The following CDYL2 variants were observed in gnomAD, a reference collection of about 807,000 sequenced individuals.
The protein encoded by CDYL2 is chromodomain Y-like protein 2.
In CDYL2, 23 loss-of-function variants were observed where a neutral mutation model predicts 49.4. The ratio of observed to expected loss-of-function variants is 0.47; its 90% CI spans 0.34 to 0.66. The LOEUF (loss-of-function observed/expected upper bound fraction) is 0.66, where lower values mean the gene tolerates loss of function less well. Ranked by LOEUF, CDYL2 falls within the 30% of genes least tolerant of loss-of-function variation. The pLI, the probability that CDYL2 is intolerant of heterozygous loss-of-function variation, is 0.01. For synonymous variants in CDYL2, 360 were observed against 268.8 expected (o/e 1.34, Z -3.32); for missense variants, 678 against 656.4 (o/e 1.03, Z -0.36).
At chr16:80,804,905 C>T (rs1908054739), upstream of CDYL2, among the ~76,000 whole-genome samples, 1 of 152,042 alleles carries the variant, frequency 6.6e-6, no homozygotes, top group Non-Finnish European at 1.5e-5. Flanking sequence ...CCACCTACCT[C>T]CTCCACCCTC....
chr16:80,615,514 A>T (rs891561360), intron 4 of CDYL2, among the ~76,000 whole-genome samples: 1 of 151,928 alleles, frequency 6.6e-6, no homozygotes, highest in Admixed American at 6.6e-5. Flanking sequence ...GGACGTTTTT[A>T]ATAAAAGAGG....
At chr16:80,623,372 C>T (rs1045004047) in intron 3 of CDYL2, among the ~76,000 whole-genome samples, 1 of 152,136 alleles carries the variant, frequency 6.6e-6, no homozygotes, top group Non-Finnish European at 1.5e-5. Context: ...AAACAAGATG[C>T]AAGTAGACTG....
At chr16:80,757,538 C>CAA (rs35826810) in intron 1 of CDYL2, among the ~76,000 whole-genome samples, 4 of 98,310 alleles carry the variant, frequency 4.1e-5, no homozygotes, top group East Asian at 5.9e-4. Flanking sequence ...GACTCTGTCT[C>CAA]AAAAAAAAAA....
intron 1 of CDYL2, among the ~76,000 whole-genome samples, chr16:80,687,708 A>C (rs1448030067): frequency 6.6e-6 from 1 of 152,212 alleles, no homozygotes; most frequent in Non-Finnish European, 1.5e-5. Context: ...CTTTGTAACA[A>C]AACGATCTGT....
At chr16:80,739,524 A>G (rs1905658559) in intron 1 of CDYL2, among the ~76,000 whole-genome samples, 1 of 152,210 alleles carries the variant, frequency 6.6e-6, no homozygotes, top group Admixed American at 6.5e-5. Context: ...ATAGGACAAA[A>G]GATCAGGAGC....
At chr16:80,785,417 G>C (rs892669889) in intron 1 of CDYL2, among the ~76,000 whole-genome samples, 1 of 152,104 alleles carries the variant, frequency 6.6e-6, no homozygotes, top group South Asian at 2.1e-4. Flanking sequence ...GGGATGTGAA[G>C]GACCTCTTCA....
intron 1 of CDYL2, among the ~76,000 whole-genome samples, chr16:80,788,683 G>A (rs16954027): frequency 0.037 from 5,583 of 152,292 alleles, 130 homozygotes; most frequent in Admixed American, 0.076. Flanking sequence ...TGGCTTAAAT[G>A]TTGGTTCAAC....
chr16:80,663,412 C>G (rs562794396), intron 2 of CDYL2, among the ~76,000 whole-genome samples: 73 of 151,074 alleles, frequency 4.8e-4, no homozygotes, highest in Non-Finnish European at 9.7e-4. Context: ...GGCTCAAATT[C>G]ACAGGTGCAT....
intron 1 of CDYL2, among the ~76,000 whole-genome samples, chr16:80,750,851 T>C (rs1407591202): frequency 2.0e-5 from 3 of 152,040 alleles, no homozygotes; most frequent in Admixed American, 6.6e-5. Flanking sequence ...ACCCCGTCTC[T>C]ACTAAAAAAA....
intron 2 of CDYL2, among the ~76,000 whole-genome samples, chr16:80,635,861 C>T (rs1432110625): frequency 6.6e-6 from 1 of 152,176 alleles, no homozygotes; most frequent in Non-Finnish European, 1.5e-5. Flanking sequence ...GGTACCAAAA[C>T]AGACATATAG....
intron 1 of CDYL2, among the ~76,000 whole-genome samples, chr16:80,751,961 T>G (rs1010555426): frequency 6.6e-6 from 1 of 152,130 alleles, no homozygotes; most frequent in Non-Finnish European, 1.5e-5. Context: ...ACCCATGGCC[T>G]GAAATTCAAC....
At chr16:80,626,915 C>A (rs962732529) in intron 3 of CDYL2, among the ~76,000 whole-genome samples, 1 of 152,154 alleles carries the variant, frequency 6.6e-6, no homozygotes, top group Non-Finnish European at 1.5e-5. Context: ...GCAAGTGACA[C>A]CATGAAGACT....
intron 1 of CDYL2, among the ~76,000 whole-genome samples, chr16:80,745,683 G>A (rs145897887): frequency 1.8e-4 from 27 of 152,268 alleles, no homozygotes; most frequent in Middle Eastern, 3.4e-3. Flanking sequence ...TTATCAACCT[G>A]GAGCAAGAGG....
In CDYL2 at chr16:80,613,474, C is replaced by T. The variant is rs114623808; in HGVS notation, c.1008-638G>A. On this transcript the variant is annotated intron_variant, in intron 4 of 6. Coordinates refer to ENST00000570137, the MANE Select transcript of CDYL2 (RefSeq NM_152342.4). ...CTAGGATGGTCTGATTCTGAATTAC[C>T]TGCAGGGATGCCAGACTCATCAAGG... Among the ~76,000 whole-genome samples, 448 of 152,228 alleles carry T rather than the reference C, an allele frequency of 2.9e-3. 6 individuals are homozygous for T. The highest frequency in any genetic ancestry group is 0.01 in the African/African-American group (432 of 41,540).
At chr16:80,667,862 T>C (rs980373172) in intron 2 of CDYL2, among the ~76,000 whole-genome samples, 2 of 152,212 alleles carry the variant, frequency 1.3e-5, no homozygotes, top group Non-Finnish European at 2.9e-5. Context: ...ATCTTATAAA[T>C]TAAGAATCTG....
At chr16:80,680,468 G>C (rs557489553) in intron 2 of CDYL2, among the ~76,000 whole-genome samples, 1 of 152,290 alleles carries the variant, frequency 6.6e-6, no homozygotes, top group South Asian at 2.1e-4. Flanking sequence ...GTTTCACAGA[G>C]TAAAGGCTCG....
At chr16:80,736,506 A>G (rs1025942833) in intron 1 of CDYL2, 4 of 152,250 alleles carry the variant, frequency 2.6e-5, no homozygotes, top group African/African-American at 9.6e-5. Flanking sequence ...AGCTGGGAAG[A>G]TATCAACAGG....
At chr16:80,689,398 G>C (rs546706248) in intron 1 of CDYL2, among the ~76,000 whole-genome samples, 10 of 152,330 alleles carry the variant, frequency 6.6e-5, no homozygotes, top group South Asian at 6.2e-4. Context: ...TCAGGTGTTA[G>C]ATTTCATCTT....
chr16:80,665,320 C>T (rs1033271100), intron 2 of CDYL2, among the ~76,000 whole-genome samples: 3 of 151,986 alleles, frequency 2.0e-5, no homozygotes, highest in Non-Finnish European at 4.4e-5. Flanking sequence ...TACCTGCTCA[C>T]AGTTCACTGG....
Sources: allele counts gnomAD v4.1 joint callset (sites outside exome capture counted in the v4.1 genomes callset), GRCh38; gene constraint gnomAD v4.1.1; transcripts MANE v1.5; gene names NCBI Gene and HGNC (gene_info 2026-07-23, HGNC 2026-07-21).